AUTS2: variants seen among roughly 807,000 people sequenced by gnomAD.
The protein encoded by AUTS2 is activator of transcription and developmental regulator AUTS2.
AUTS2 carries 17 observed loss-of-function variants against 112.4 expected under a neutral mutation model. The observed-to-expected ratio is 0.15, with a 90% CI of 0.10 to 0.23. AUTS2 has a LOEUF of 0.23. Ranked by LOEUF, AUTS2 falls within the 10% of genes least tolerant of loss-of-function variation. The probability of loss-of-function intolerance (pLI) is 1.00; values close to 1 mark genes in which losing one functional copy is unlikely to be tolerated. For missense variants in AUTS2, 1,510 were observed against 1,701.6 expected (o/e 0.89, Z 1.98); for synonymous variants, 751 against 702.7 (o/e 1.07, Z -1.09).
At chr7:70,280,809 A>C (rs373245359) in intron 4 of AUTS2, among the ~76,000 whole-genome samples, 2 of 152,146 alleles carry the variant, frequency 1.3e-5, no homozygotes, top group African/African-American at 4.8e-5. Flanking sequence ...ATGATTTTAC[A>C]CATGTAATAA....
intron 1 of AUTS2, among the ~76,000 whole-genome samples, chr7:69,785,852 T>C (rs1254907765): frequency 6.6e-6 from 1 of 152,118 alleles, no homozygotes; most frequent in Non-Finnish European, 1.5e-5. Flanking sequence ...GTTTTTGAGA[T>C]GAAATTTTAC....
chr7:70,733,659 A>T (rs754446787), intron 6 of AUTS2, among the ~76,000 whole-genome samples: 22 of 151,584 alleles, frequency 1.5e-4, no homozygotes, highest in Non-Finnish European at 2.4e-4. Context: ...TGGTCTCGGC[A>T]CACTGCAACC....
At position 70,631,829 on chromosome 7, in the gene AUTS2, AG is replaced by A. The variant is rs1805278411; in HGVS notation, c.691-66735del. On this transcript the variant is annotated intron_variant, in intron 5 of 18. Transcript: ENST00000342771. This position sits in a 1 kb window ranked among gnomAD's most constrained non-coding sequence, Gnocchi z 4.5. ...CCGCGCCCGTGTGTGCTAACTTGCT[AG>A]GGGGCAGGGCGCACTCTGCCGCTTT... Among the ~76,000 whole-genome samples, 1 of 152,074 alleles carries A rather than the reference AG, an allele frequency of 6.6e-6. No individual in the cohort carries two copies. The highest frequency in any genetic ancestry group is 2.1e-4 in the South Asian group (1 of 4,784).
intron 4 of AUTS2, among the ~76,000 whole-genome samples, chr7:70,206,586 A>G (rs188218307): frequency 1.3e-5 from 2 of 152,258 alleles, no homozygotes; most frequent in East Asian, 1.9e-4. Context: ...CCTGCCACCC[A>G]CCTACAAGGA....
chr7:70,503,128 C>T (rs545169032), intron 5 of AUTS2, among the ~76,000 whole-genome samples: 1 of 152,148 alleles, frequency 6.6e-6, no homozygotes, highest in East Asian at 1.9e-4. Context: ...TGTGCCTGTG[C>T]ACTGGGTGCA....
At position 69,672,298 on chromosome 7, in the gene AUTS2, A is replaced by G. The variant is rs994413129; in HGVS notation, c.309+72336A>G. ...GATCTCGAACTCCCGACCTCAGGTG[A>G]TCCACCCGCCTCAGCCTCCCAAAGT... is the stretch of plus-strand genomic sequence containing the variant. On this transcript the variant is annotated intron_variant, in intron 1 of 18. Coordinates refer to ENST00000342771, the MANE Select transcript of AUTS2 (RefSeq NM_015570.4). Among the ~76,000 whole-genome samples the G allele has an allele frequency of 6.3e-4, 96 of 152,044 alleles. 2 individuals carry two copies. The highest frequency in any genetic ancestry group is 2.1e-3 in the African/African-American group (85 of 41,382).
intron 4 of AUTS2, among the ~76,000 whole-genome samples, chr7:70,161,282 A>G (rs1808062330): frequency 1.3e-5 from 2 of 149,736 alleles, no homozygotes; most frequent in Admixed American, 1.3e-4. Flanking sequence ...TTTTCTTGCT[A>G]GTTTTTTTTT....
chr7:69,707,862 G>A (rs1033582981), intron 1 of AUTS2, among the ~76,000 whole-genome samples: 1 of 152,186 alleles, frequency 6.6e-6, no homozygotes, highest in African/African-American at 2.4e-5. Context: ...TTGCAGAGTA[G>A]GTCTTAGAGA....
At position 70,347,608 on chromosome 7, in the gene AUTS2, C is replaced by G. The variant is rs1418839060; in HGVS notation, c.661-88144C>G. On this transcript the variant is annotated intron_variant, in intron 4 of 18. Coordinates refer to ENST00000342771, the MANE Select transcript of AUTS2 (RefSeq NM_015570.4). ...CCCAGCCACCTACCTACACTTCCCC[C>G]TCTTAGATGCCCTGCAACAGAGATC... 2.0e-5 allele frequency among the ~76,000 whole-genome samples: 3 copies of G among 152,198 alleles called. No individual in the cohort carries two copies. In the East Asian group the frequency reaches 5.8e-4, roughly 29 times the overall value.
At chr7:69,737,605 C>T (rs1373444316) in intron 1 of AUTS2, among the ~76,000 whole-genome samples, 3 of 152,128 alleles carry the variant, frequency 2.0e-5, no homozygotes, top group African/African-American at 7.2e-5. Flanking sequence ...CCTAAGTCCC[C>T]AGTCTGCTCC....
intron 4 of AUTS2, among the ~76,000 whole-genome samples, chr7:70,366,245 T>C (rs184504701): frequency 2.0e-4 from 31 of 152,232 alleles, no homozygotes; most frequent in Admixed American, 2.6e-4. Flanking sequence ...GACAGATCCA[T>C]AAGCAAATAA....
chr7:70,105,842 T>C (rs1804740280), intron 2 of AUTS2, among the ~76,000 whole-genome samples: 1 of 152,134 alleles, frequency 6.6e-6, no homozygotes, highest in African/African-American at 2.4e-5. Flanking sequence ...GTGCATGAGA[T>C]CCCAATTTAT....
At chr7:70,276,314 G>A (rs754202066) in intron 4 of AUTS2, among the ~76,000 whole-genome samples, 1 of 150,968 alleles carries the variant, frequency 6.6e-6, no homozygotes, top group South Asian at 2.1e-4. Flanking sequence ...GCACAAATGC[G>A]TAAAGTACAT....
At chr7:70,128,950 G>A (rs1806120317) in intron 3 of AUTS2, among the ~76,000 whole-genome samples, 1 of 152,154 alleles carries the variant, frequency 6.6e-6, no homozygotes, top group Admixed American at 6.5e-5. Flanking sequence ...TTCTACAGCA[G>A]CCATTGGATT....
intron 1 of AUTS2, among the ~76,000 whole-genome samples, chr7:69,690,098 CT>C (rs1797259618): frequency 6.6e-6 from 1 of 152,156 alleles, no homozygotes; most frequent in South Asian, 2.1e-4. Flanking sequence ...TAAAATTTTA[CT>C]TTTTTGGTCT....
At chr7:69,723,579 A>G (rs1799076986) in intron 1 of AUTS2, among the ~76,000 whole-genome samples, 1 of 152,194 alleles carries the variant, frequency 6.6e-6, no homozygotes, top group Admixed American at 6.5e-5. Context: ...GAGTAAATAC[A>G]TGTAAATCAC....
chr7:70,268,900 T>C (rs531095167), intron 4 of AUTS2, among the ~76,000 whole-genome samples: 1 of 152,276 alleles, frequency 6.6e-6, no homozygotes, highest in Non-Finnish European at 1.5e-5. Flanking sequence ...GAACACTAAT[T>C]TCTTTAAAAT....
chr7:70,425,925 A>C (rs778205791), intron 4 of AUTS2, among the ~76,000 whole-genome samples: 1 of 152,186 alleles, frequency 6.6e-6, no homozygotes, highest in African/African-American at 2.4e-5. Flanking sequence ...TTTTATGTTT[A>C]TTACATATGT....
chr7:70,188,019 A>G lies in AUTS2; in HGVS notation c.660+53448A>G, dbSNP rs1809698050. On this transcript the variant is annotated intron_variant, in intron 4 of 18. Transcript: ENST00000342771. ...CTTGATAAAATTCAGGTTTTTATAA[A>G]CAAATCATATTAAAACCCCAAAAGT... is the stretch of plus-strand genomic sequence containing the variant. Among the ~76,000 whole-genome samples, 3 of 152,162 alleles carry G rather than the reference A, an allele frequency of 2.0e-5. No individual in the cohort carries two copies. The South Asian group carries it at 6.2e-4, about 32-fold the overall frequency.
Sources: gnomAD v4.1 joint callset for allele counts (sites outside exome capture counted in the v4.1 genomes callset) on GRCh38, gnomAD v4.1.1 for gene constraint, Gnocchi (gnomAD v3.1) non-coding constraint, MANE v1.5 for transcripts, NCBI Gene and HGNC (gene_info 2026-07-23, HGNC 2026-07-21) for gene names.